CSMD1: variants seen among roughly 807,000 people sequenced by gnomAD.
The protein encoded by CSMD1 is CUB and Sushi multiple domains 1, also known as CUB and sushi domain-containing protein 1.
Under a neutral mutation model 417.5 loss-of-function variants are expected in CSMD1, and 213 were observed. That is an observed-to-expected ratio of 0.51 (90% CI 0.46 to 0.57). The LOEUF (loss-of-function observed/expected upper bound fraction) is 0.57, where lower values mean the gene tolerates loss of function less well. CSMD1 is among the 20% of genes least tolerant of loss of function. CSMD1 has a pLI of 0.00. For synonymous variants in CSMD1, 2,862 were observed against 1,736.8 expected (o/e 1.65, Z -16.11); for missense variants, 6,923 against 4,529.7 (o/e 1.53, Z -15.17).
At chr8:4,531,297 C>T (rs1005634255) in intron 2 of CSMD1, among the ~76,000 whole-genome samples, 1 of 152,068 alleles carries the variant, frequency 6.6e-6, no homozygotes, top group Non-Finnish European at 1.5e-5. Flanking sequence ...TAACTAAACC[C>T]GATGTGCCGT....
intron 37 of CSMD1, among the ~76,000 whole-genome samples, chr8:3,167,291 G>GAAAAGAAAAGAAAAAA (rs547453018): frequency 9.7e-6 from 1 of 102,600 alleles, no homozygotes; most frequent in African/African-American, 3.5e-5. Flanking sequence ...CTTGGAAAAA[G>GAAAAGAAAAGAAAAAA]AAAAAAAAAA....
chr8:3,344,102 T>G lies in CSMD1; in HGVS notation c.3475-652A>C, dbSNP rs185769907. On this transcript the variant is annotated intron_variant, in intron 22 of 69. Transcript: ENST00000635120. ...AAAACGAGAGTAGATGTAATAAGTA[T>G]ACGGAAGATAAGGAAGACAAGGCTT... Among the ~76,000 whole-genome samples the G allele has an allele frequency of 5.3e-5, 8 of 152,280 alleles. No individual in the cohort carries two copies. The East Asian group carries it at 1.5e-3, about 29-fold the overall frequency.
At chr8:4,323,278 G>T (rs1799372678) in intron 3 of CSMD1, among the ~76,000 whole-genome samples, 1 of 152,090 alleles carries the variant, frequency 6.6e-6, no homozygotes, top group African/African-American at 2.4e-5. Flanking sequence ...TCTGTAGCAG[G>T]TTCAACAGAC....
intron 3 of CSMD1, among the ~76,000 whole-genome samples, chr8:4,332,568 C>G (rs1307855720): frequency 2.3e-5 from 1 of 43,544 alleles, no homozygotes; most frequent in African/African-American, 1.8e-4. Flanking sequence ...CACACACACA[C>G]ACACACACAC....
chr8:3,776,161 G>A (rs944994150), intron 5 of CSMD1, among the ~76,000 whole-genome samples: 9 of 152,006 alleles, frequency 5.9e-5, no homozygotes, highest in Admixed American at 1.3e-4. Flanking sequence ...ACATCATACG[G>A]ATCCTACCTT....
At chr8:4,713,210 C>A (rs1299237962) in intron 1 of CSMD1, among the ~76,000 whole-genome samples, 3 of 152,150 alleles carry the variant, frequency 2.0e-5, no homozygotes, top group African/African-American at 4.8e-5. Context: ...ACACTTTAGA[C>A]CAAATTAGTT....
chr8:3,048,691 C>T (rs193280218), intron 50 of CSMD1, among the ~76,000 whole-genome samples: 91 of 151,540 alleles, frequency 6.0e-4, no homozygotes, highest in African/African-American at 2.0e-3. Context: ...TTTGTAGATA[C>T]AAAAACAGAG....
rs111796913 is a variant in CSMD1 at position 4,985,464 on chromosome 8, A to G, written c.85+8868T>C. 8.5e-4 allele frequency among the ~76,000 whole-genome samples: 130 copies of G among 152,364 alleles called. 1 individual carries two copies. Among genetic ancestry groups the G allele is most frequent in the African/African-American group, 2.8e-3 (118 of 41,592 alleles). On this transcript the variant is annotated intron_variant, in intron 1 of 69. Coordinates refer to ENST00000635120, the MANE Select transcript of CSMD1 (RefSeq NM_033225.6). ...TGAGTGATTCTGTTTGGCACATGCC[A>G]TAATTCTTTAGGTGAGCAAAATTAT...
chr8:4,239,196 G>C (rs758727278), intron 3 of CSMD1, among the ~76,000 whole-genome samples: 1 of 152,152 alleles, frequency 6.6e-6, no homozygotes, highest in Non-Finnish European at 1.5e-5. Context: ...TTACATTAGA[G>C]ATACAGTTGA....
At chr8:4,856,180 G>A (rs1224602911) in intron 1 of CSMD1, among the ~76,000 whole-genome samples, 1 of 133,588 alleles carries the variant, frequency 7.5e-6, no homozygotes, top group African/African-American at 2.8e-5. Flanking sequence ...CATAAGTGAA[G>A]GAGAAATAAA....
At chr8:4,384,143 T>C (rs1803287271) in intron 3 of CSMD1, among the ~76,000 whole-genome samples, 1 of 152,120 alleles carries the variant, frequency 6.6e-6, no homozygotes, top group Non-Finnish European at 1.5e-5. Context: ...TACTTGAGCC[T>C]CCTCCCTTGG....
At chr8:3,866,246 C>G (rs996431665) in intron 5 of CSMD1, among the ~76,000 whole-genome samples, 30 of 152,138 alleles carry the variant, frequency 2.0e-4, no homozygotes, top group African/African-American at 6.8e-4. Flanking sequence ...ATTTTGAATA[C>G]CATTTGTAAT....
chr8:3,344,777 TATAG>T (rs1807881408), intron 22 of CSMD1, among the ~76,000 whole-genome samples: 1 of 152,320 alleles, frequency 6.6e-6, no homozygotes, highest in East Asian at 1.9e-4. Context: ...TGTACACAGA[TATAG>T]ATACTCAGAA....
intron 7 of CSMD1, among the ~76,000 whole-genome samples, chr8:3,675,695 G>A (rs1350637665): frequency 2.6e-5 from 4 of 152,266 alleles, no homozygotes; most frequent in African/African-American, 4.8e-5. Flanking sequence ...ACCAGGAAAC[G>A]GGTCCTTGCA....
At chr8:3,862,958 A>C (rs548149413) in intron 5 of CSMD1, among the ~76,000 whole-genome samples, 2 of 152,258 alleles carry the variant, frequency 1.3e-5, no homozygotes, top group Admixed American at 6.5e-5. Context: ...TATAGTTCAC[A>C]ATTCTGGAGT....
intron 2 of CSMD1, among the ~76,000 whole-genome samples, chr8:4,566,503 A>C (rs1217154145): frequency 6.6e-6 from 1 of 150,582 alleles, no homozygotes; most frequent in Non-Finnish European, 1.5e-5. Context: ...AATACAAAAA[A>C]TTAGCCGGGC....
chr8:4,074,691 A>G (rs964828954), intron 3 of CSMD1, among the ~76,000 whole-genome samples: 1 of 152,108 alleles, frequency 6.6e-6, no homozygotes, highest in Admixed American at 6.6e-5. Context: ...AATTTTGTAT[A>G]AAGATGACAT....
At chr8:3,408,664 T>C (rs1470918508) in intron 13 of CSMD1, among the ~76,000 whole-genome samples, 2 of 152,128 alleles carry the variant, frequency 1.3e-5, no homozygotes, top group African/African-American at 4.8e-5. Context: ...TCTCCAGTAA[T>C]TTAAAATTTT....
chr8:4,168,924 G>A (rs755312777), intron 3 of CSMD1, among the ~76,000 whole-genome samples: 3 of 152,128 alleles, frequency 2.0e-5, no homozygotes, highest in Non-Finnish European at 2.9e-5. Context: ...GCCTTGCTCT[G>A]TTTAACCTTG....
Sources: allele counts gnomAD v4.1 joint callset (sites outside exome capture counted in the v4.1 genomes callset), GRCh38; gene constraint gnomAD v4.1.1; transcripts MANE v1.5; gene names NCBI Gene and HGNC (gene_info 2026-07-23, HGNC 2026-07-21).